AGO2: variants seen among roughly 807,000 people sequenced by gnomAD.
AGO2 encodes argonaute RISC catalytic component 2, also known as protein argonaute-2.
AGO2 carries 5 observed loss-of-function variants against 102.3 expected under a neutral mutation model. The observed-to-expected ratio is 0.05, with a 90% CI of 0.03 to 0.10. AGO2 has a LOEUF of 0.10. Ranked by LOEUF, AGO2 falls within the 10% of genes least tolerant of loss-of-function variation. The probability of loss-of-function intolerance (pLI) is 1.00; values close to 1 mark genes in which losing one functional copy is unlikely to be tolerated. For missense variants in AGO2, 541 were observed against 1,183.7 expected, an observed-to-expected ratio of 0.46 and a Z score of 7.97; for synonymous variants, 449 against 473.1, an observed-to-expected ratio of 0.95 and a Z score of 0.66.
intron 1 of AGO2, chr8:140,591,946 C>G (rs1218401483): frequency 1.3e-5 from 2 of 151,892 alleles, no homozygotes; most frequent in Admixed American, 6.6e-5. Flanking sequence ...ATGGTGAAAC[C>G]TCATCTCTAC....
chr8:140,597,229 A>G (rs1444008783), intron 1 of AGO2, among the ~76,000 whole-genome samples: 2 of 152,194 alleles, frequency 1.3e-5, no homozygotes, highest in Admixed American at 6.5e-5. Flanking sequence ...TCATCTGCAG[A>G]GGTGGCAGGA....
At chr8:140,641,373 A>G in the AGO2 span, among the ~76,000 whole-genome samples, 1 of 152,020 alleles carries the variant, frequency 6.6e-6, no homozygotes, top group Non-Finnish European at 1.5e-5. Context: ...GAGAAACATT[A>G]AGTAAAAATT....
intron 1 of AGO2, among the ~76,000 whole-genome samples, chr8:140,588,091 G>C (rs910186969): frequency 3.3e-5 from 5 of 152,270 alleles, no homozygotes; most frequent in Middle Eastern, 3.4e-3. Context: ...GCTCTCTCCA[G>C]ACACCCCATG....
At chr8:140,596,242 A>G (rs1354589766) in intron 1 of AGO2, among the ~76,000 whole-genome samples, 6 of 152,098 alleles carry the variant, frequency 3.9e-5, no homozygotes, top group Non-Finnish European at 8.8e-5. Context: ...AAGGATGAAT[A>G]TTGGATACAT....
chr8:140,595,527 C>A (rs1428844443), intron 1 of AGO2, among the ~76,000 whole-genome samples: 2 of 147,464 alleles, frequency 1.4e-5, no homozygotes, highest in Non-Finnish European at 1.5e-5. Context: ...TGCAGTGGTG[C>A]GATCATAGGG....
Position 140,551,321 on chromosome 8 carries a change from C to A in AGO2, c.1385G>T (p.Cys462Phe). 6.4e-7 allele frequency: 1 copy of A among 1,571,566 alleles called. No individual in the cohort carries two copies. Among genetic ancestry groups the A allele is most frequent in the Non-Finnish European group, 8.7e-7 (1 of 1,154,078 alleles). ...AIACFAPQRQ[C>F]TEVHLKSFTE... is the part of the protein sequence containing the mutation. Reference sequence around the variant, plus strand: ...GGCTTACTTCAGATGGACTTCCGTGCACTGGCGCTGGGGGGCGAAGCACGC... The same window carrying A: ...GGCTTACTTCAGATGGACTTCCGTGAACTGGCGCTGGGGGGCGAAGCACGC... The change falls in exon 11 of 19, where the codon TGC becomes TTC. Residue 462 changes from cysteine to phenylalanine, a missense_variant. This residue lies in a region of AGO2 where 309 missense variants were observed against 735.1 expected (regional missense o/e 0.42). Transcript: ENST00000220592.
intron 1 of AGO2, chr8:140,591,831 G>A (rs1352543842): frequency 2.0e-5 from 3 of 152,116 alleles, no homozygotes; most frequent in Non-Finnish European, 4.4e-5. Flanking sequence ...TAGAAATACT[G>A]TAATAAGGCC....
rs1196836849 is a variant in AGO2, at chr8:140,629,646, C to G, written c.22+5839G>C. Among the ~76,000 whole-genome samples the G allele has an allele frequency of 2.0e-5, 3 of 151,622 alleles. No individual in the cohort carries two copies. In the East Asian group the frequency reaches 5.8e-4, roughly 29 times the overall value. On this transcript the variant is annotated intron_variant, in intron 1 of 18. Transcript: ENST00000220592. Reference sequence around the variant, plus strand: ...CTTGAATCCAGGAGCTCCAGAACAGCCCGGGCAACACAGGGAAACCCCGTC... The same window carrying G: ...CTTGAATCCAGGAGCTCCAGAACAGGCCGGGCAACACAGGGAAACCCCGTC...
In AGO2 at chr8:140,562,673, C is replaced by T. The variant is rs570958717; in HGVS notation, c.337-39G>A. 1.2e-5 allele frequency: 19 copies of T among 1,595,198 alleles called. No individual in the cohort carries two copies. The Middle Eastern group carries it at 7.7e-4, about 65-fold the overall frequency. On this transcript the variant is annotated intron_variant, in intron 3 of 18. Transcript: ENST00000220592. ...AGGCACACAAGGTTACTCCCTCCTGCGAAGCCCCAGGGAGGACGCAGCCTG... is the reference window on the plus strand; with the variant it reads ...AGGCACACAAGGTTACTCCCTCCTGTGAAGCCCCAGGGAGGACGCAGCCTG...
chr8:140,553,086 T>G (rs1017315268), intron 10 of AGO2, among the ~76,000 whole-genome samples: 5 of 152,200 alleles, frequency 3.3e-5, no homozygotes, highest in African/African-American at 1.2e-4. Flanking sequence ...GAAAAATGTA[T>G]TCATGTATTA....
At chr8:140,612,155 G>T (rs191413446) in intron 1 of AGO2, among the ~76,000 whole-genome samples, 1 of 141,366 alleles carries the variant, frequency 7.1e-6, no homozygotes, top group African/African-American at 2.7e-5. Flanking sequence ...CCTGAGAGGC[G>T]GAGGTTGCAG....
chr8:140,576,823 C>A (rs1203365415), intron 2 of AGO2, among the ~76,000 whole-genome samples: 1 of 152,196 alleles, frequency 6.6e-6, no homozygotes, highest in East Asian at 1.9e-4. Context: ...CAATGTCCAT[C>A]AGCTGATGAG....
rs2072521226 is a variant in AGO2, at chr8:140,527,163, A to G, written c.*4881T>C. On this transcript the variant is annotated 3_prime_UTR_variant, in exon 19 of 19. Transcript: ENST00000220592. The surrounding 1 kb of genome is among the most constrained non-coding windows in gnomAD (Gnocchi z 6.0). ...CAACGAGTCTGCTTAGGACTAAATC[A>G]TCAGGCACCAAGAGACCATGTTCTC... is the stretch of plus-strand genomic sequence containing the variant. The G allele has an allele frequency of 6.6e-6, 1 of 152,248 alleles. No homozygotes were observed. The highest frequency in any genetic ancestry group is 6.5e-5 in the Admixed American group (1 of 15,286). 9.4% of individuals were successfully genotyped at this position (152,248 alleles called of 1,614,324 possible). A position where few individuals can be genotyped will look rare whatever the true frequency, so the allele number is the denominator to read the frequency against.
chr8:140,577,077 G>A (rs1455172246), intron 2 of AGO2, among the ~76,000 whole-genome samples: 15 of 151,918 alleles, frequency 9.9e-5, no homozygotes, highest in African/African-American at 2.4e-4. Context: ...ACGTGGTGGC[G>A]GGCACCTGTA....
At chr8:140,555,030 A>G (rs1485398313) in intron 10 of AGO2, among the ~76,000 whole-genome samples, 2 of 152,216 alleles carry the variant, frequency 1.3e-5, no homozygotes, top group Non-Finnish European at 2.9e-5. Flanking sequence ...ACAAACAAAA[A>G]ACAAACCAAA....
At chr8:140,600,930 T>A (rs2073924292) in intron 1 of AGO2, among the ~76,000 whole-genome samples, 1 of 150,110 alleles carries the variant, frequency 6.7e-6, no homozygotes, top group African/African-American at 2.5e-5. Flanking sequence ...AGGCTCCGTC[T>A]CAAAAAAAAA....
Position 140,547,548 on chromosome 8 carries a change from C to A in AGO2, c.1668G>T (p.Thr556=), listed in dbSNP as rs147790222. 1 of 1,614,206 alleles carries A rather than the reference C, an allele frequency of 6.2e-7. No individual in the cohort carries two copies. Among genetic ancestry groups the A allele is most frequent in the Non-Finnish European group, 8.5e-7 (1 of 1,180,020 alleles). The change falls in exon 13 of 19, where the codon ACG becomes ACT. Residue 556 remains threonine (T), a synonymous_variant. Transcript: ENST00000220592. ...GGCAGAGGTTGGACAGGGTCTGTGG[C>A]GTGGTCCTCTGCACGTTCTTCATCT... ...CVQMKNVQRT[T]PQTLSNLCLK...
At chr8:140,623,355 A>G (rs994188388) in intron 1 of AGO2, among the ~76,000 whole-genome samples, 1 of 152,136 alleles carries the variant, frequency 6.6e-6, no homozygotes, top group South Asian at 2.1e-4. Flanking sequence ...GGAAGTAGAC[A>G]GCGATGATGG....
chr8:140,573,441 A>C (rs1171743288), intron 2 of AGO2, among the ~76,000 whole-genome samples: 1 of 151,970 alleles, frequency 6.6e-6, no homozygotes, highest in African/African-American at 2.4e-5. Context: ...GGCCTCCCAA[A>C]TGCTGGAATT....
Sources: gnomAD v4.1 joint callset for allele counts (sites outside exome capture counted in the v4.1 genomes callset) on GRCh38, gnomAD v4.1.1 for gene constraint, gnomAD v4.1.1 regional missense constraint, Gnocchi (gnomAD v3.1) non-coding constraint, MANE v1.5 for transcripts, NCBI Gene and HGNC (gene_info 2026-07-23, HGNC 2026-07-21) for gene names.